The following ANXA8 variants were observed in gnomAD, a reference collection of about 807,000 sequenced individuals.
ANXA8 encodes annexin A8.
A neutral mutation model predicts 26.8 loss-of-function variants in ANXA8; 9 were observed. That is an observed-to-expected ratio of 0.34 (90% CI 0.20 to 0.59). The LOEUF (loss-of-function observed/expected upper bound fraction) is 0.59. Ranked by LOEUF, ANXA8 falls within the 20% of genes least tolerant of loss-of-function variation. The probability of loss-of-function intolerance (pLI) is 0.84; values close to 1 mark genes in which losing one functional copy is unlikely to be tolerated. For synonymous variants in ANXA8, 39 were observed against 94.8 expected, an observed-to-expected ratio of 0.41 and a Z score of 3.42; for missense variants, 83 against 238.5, an observed-to-expected ratio of 0.35 and a Z score of 4.29.
the ANXA8 span, among the ~76,000 whole-genome samples, chr10:47,968,083 T>C: frequency 6.6e-6 from 1 of 151,314 alleles, no homozygotes; most frequent in Non-Finnish European, 1.5e-5. Flanking sequence ...CCTCGAGATT[T>C]TTGCCCATAC....
At chr10:47,614,940 C>G in the ANXA8 span, among the ~76,000 whole-genome samples, 2 of 47,172 alleles carry the variant, frequency 4.2e-5, 1 homozygote, top group Non-Finnish European at 1.1e-4. Flanking sequence ...CCGAGCCTGG[C>G]CCCTAACCTC....
the ANXA8 span, among the ~76,000 whole-genome samples, chr10:47,658,580 C>A: frequency 1.4e-5 from 2 of 141,422 alleles, no homozygotes; most frequent in Non-Finnish European, 3.0e-5. Context: ...TCAGTTTTCA[C>A]AACAACTCCC....
the ANXA8 span, among the ~76,000 whole-genome samples, chr10:47,645,595 T>G: frequency 6.6e-6 from 1 of 151,556 alleles, no homozygotes; most frequent in Non-Finnish European, 1.5e-5. Context: ...CTATTTAAAT[T>G]AACAAAGACG....
the ANXA8 span, among the ~76,000 whole-genome samples, chr10:47,510,931 A>AATTAATTTATTT: frequency 7.7e-6 from 1 of 129,852 alleles, no homozygotes; most frequent in African/African-American, 2.9e-5. Flanking sequence ...TTAATTAATT[A>AATTAATTTATTT]ATTAATTTAT....
the ANXA8 span, among the ~76,000 whole-genome samples, chr10:47,660,464 G>T: frequency 5.3e-5 from 8 of 150,912 alleles, no homozygotes; most frequent in African/African-American, 2.0e-4. Flanking sequence ...GCAGTGGTGT[G>T]ATCTCGGCTC....
chr10:47,573,921 T>A, the ANXA8 span, among the ~76,000 whole-genome samples: 2 of 149,752 alleles, frequency 1.3e-5, 1 homozygote, highest in Admixed American at 1.3e-4. Context: ...CAGCCCTGTA[T>A]CCAATATATC....
At chr10:47,627,197 T>A in the ANXA8 span, among the ~76,000 whole-genome samples, 12 of 150,188 alleles carry the variant, frequency 8.0e-5, no homozygotes, top group East Asian at 1.9e-4. Flanking sequence ...AATCTTTTCA[T>A]GTACTCTTAA....
the ANXA8 span, among the ~76,000 whole-genome samples, chr10:47,607,403 C>T: frequency 1.3e-5 from 2 of 149,246 alleles, no homozygotes; most frequent in Non-Finnish European, 3.0e-5. Context: ...CACTGTTCAT[C>T]CAGCCTTCAT....
the ANXA8 span, among the ~76,000 whole-genome samples, chr10:47,744,439 A>AGGGGGGGGGTGGGGGGGGGGGGGG: frequency 4.2e-5 from 1 of 23,786 alleles, no homozygotes; most frequent in Non-Finnish European, 7.3e-5. Context: ...GGAGGGGGGA[A>AGGGGGGGGGTGGGGGGGGGGGGGG]GAGGGGGGGC....
chr10:47,599,117 A>G, the ANXA8 span, among the ~76,000 whole-genome samples: 1 of 147,258 alleles, frequency 6.8e-6, no homozygotes, highest in Non-Finnish European at 1.5e-5. Context: ...TAATAATAAC[A>G]AAAACAACAT....
the ANXA8 span, among the ~76,000 whole-genome samples, chr10:47,982,105 T>A: frequency 7.3e-5 from 11 of 151,402 alleles, no homozygotes; most frequent in Non-Finnish European, 1.5e-4. Context: ...CTGGGCAACA[T>A]AATGAGACCC....
chr10:47,550,002 C>T, the ANXA8 span, among the ~76,000 whole-genome samples: 2 of 151,548 alleles, frequency 1.3e-5, no homozygotes, highest in East Asian at 3.9e-4. Flanking sequence ...TGGTGGCATA[C>T]ACTACTCAGG....
At chr10:47,743,388 G>A in the ANXA8 span, among the ~76,000 whole-genome samples, 20 of 64,646 alleles carry the variant, frequency 3.1e-4, 2 homozygotes, top group African/African-American at 6.2e-4. Flanking sequence ...ATGTGTGTGT[G>A]TGTGTGTGTG....
the ANXA8 span, among the ~76,000 whole-genome samples, chr10:47,970,741 A>G: frequency 3.3e-5 from 5 of 151,354 alleles, no homozygotes; most frequent in South Asian, 1.0e-3. Context: ...TCATTTTTCA[A>G]ACCTTTTCAC....
chr10:47,900,845 T>C, the ANXA8 span, among the ~76,000 whole-genome samples: 1 of 150,918 alleles, frequency 6.6e-6, no homozygotes, highest in African/African-American at 2.5e-5. Flanking sequence ...CACTATATTA[T>C]AGAAGAATGT....
chr10:47,558,242 AAAT>A, the ANXA8 span, among the ~76,000 whole-genome samples: 1 of 151,938 alleles, frequency 6.6e-6, no homozygotes, highest in African/African-American at 2.4e-5. Context: ...TGAGATAGAT[AAAT>A]AATAAACGTC....
At chr10:47,658,412 G>T in the ANXA8 span, among the ~76,000 whole-genome samples, 1 of 150,446 alleles carries the variant, frequency 6.6e-6, no homozygotes, top group African/African-American at 2.5e-5. Context: ...ATGTATATAG[G>T]ACAGAATTGC....
At chr10:47,978,244 G>A in the ANXA8 span, among the ~76,000 whole-genome samples, 2 of 151,524 alleles carry the variant, frequency 1.3e-5, no homozygotes, top group Non-Finnish European at 3.0e-5. Flanking sequence ...AAGAAGAAAT[G>A]TCCAGATAAA....
the ANXA8 span, among the ~76,000 whole-genome samples, chr10:47,901,063 G>A: frequency 1.2e-4 from 17 of 141,990 alleles, no homozygotes; most frequent in Admixed American, 9.1e-4. Context: ...TAGAACTGGC[G>A]GGAAAAAAAA....
Sources: allele counts gnomAD v4.1 joint callset (sites outside exome capture counted in the v4.1 genomes callset), GRCh38; gene constraint gnomAD v4.1.1; transcripts MANE v1.5; gene names NCBI Gene and HGNC (gene_info 2026-07-23, HGNC 2026-07-21).